TTLL11: variants seen among roughly 807,000 people sequenced by gnomAD.
TTLL11 encodes tubulin polyglutamylase TTLL11.
A neutral mutation model predicts 51.7 loss-of-function variants in TTLL11; 42 were observed. The ratio of observed to expected loss-of-function variants is 0.81; its 90% CI spans 0.64 to 1.05. The LOEUF is 1.05. TTLL11 is among the 50% of genes least tolerant of loss of function. TTLL11 has a pLI of 0.00. For missense variants in TTLL11, 799 were observed against 940.4 expected, an observed-to-expected ratio of 0.85 and a Z score of 1.97; for synonymous variants, 381 against 383.5, an observed-to-expected ratio of 0.99 and a Z score of 0.08.
rs1843037214 is a variant in TTLL11, at chr9:121,989,432, G to A, written c.1032C>T (p.Asn344=). 1 of 1,614,080 alleles carries A rather than the reference G, an allele frequency of 6.2e-7. No individual in the cohort carries two copies. The highest frequency in any genetic ancestry group is 1.3e-5 in the African/African-American group (1 of 74,928). The part of the protein sequence containing the change: ...NLHRIFMHLT[N]YSLNIHSGNF... ...TGCCGCTGTGGATGTTCAGTGAATA[G>A]TTGGTTAAGTGCATAAAGATGCGGT... Residue 344 remains asparagine, a synonymous_variant, in exon 4 of 9, where the codon AAC becomes AAT. Transcript: ENST00000321582. The surrounding 1 kb of genome is among the most constrained non-coding windows in gnomAD (Gnocchi z 4.2).
chr9:122,052,336 C>G (rs1845184077), intron 1 of TTLL11, among the ~76,000 whole-genome samples: 1 of 152,192 alleles, frequency 6.6e-6, no homozygotes, highest in South Asian at 2.1e-4. Context: ...AAAGGTTTCC[C>G]CATGCCAGCA....
At chr9:121,988,434 G>A (rs186389134) in intron 4 of TTLL11, among the ~76,000 whole-genome samples, 6 of 117,998 alleles carry the variant, frequency 5.1e-5, no homozygotes, top group South Asian at 2.8e-4. Context: ...CATCTCCCCC[G>A]CATCTCTGCC....
intron 3 of TTLL11, among the ~76,000 whole-genome samples, chr9:122,007,325 A>G (rs1354568474): frequency 6.6e-6 from 1 of 151,974 alleles, no homozygotes; most frequent in Non-Finnish European, 1.5e-5. Flanking sequence ...TGTCTCTACT[A>G]AAAATACAAA....
At chr9:121,901,623 G>A (rs151305255) in intron 6 of TTLL11, among the ~76,000 whole-genome samples, 79 of 152,026 alleles carry the variant, frequency 5.2e-4, no homozygotes, top group African/African-American at 1.8e-3. Context: ...GGCCAACACT[G>A]GTAAGTATCC....
intron 1 of TTLL11, among the ~76,000 whole-genome samples, chr9:122,042,030 AAC>A (rs950338432): frequency 2.3e-4 from 34 of 148,590 alleles, no homozygotes; most frequent in Non-Finnish European, 4.3e-4. Context: ...TTTTTTTTGA[AAC>A]AGAGTCTTCT....
In TTLL11 at chr9:122,093,275, A is replaced by G. The variant is rs758602963; in HGVS notation, c.-127T>C. The G allele has an allele frequency of 4.5e-6, 7 of 1,554,970 alleles. No individual in the cohort carries two copies. Among genetic ancestry groups the G allele is most frequent in the African/African-American group, 1.4e-5 (1 of 71,046 alleles). Reference sequence around the variant, plus strand: ...GCGTTCCCCGCCCGAGCCCGTTGCCATGATCGCTCAGGCTCGGGTTGACAG... The same window carrying G: ...GCGTTCCCCGCCCGAGCCCGTTGCCGTGATCGCTCAGGCTCGGGTTGACAG... On this transcript the variant is annotated 5_prime_UTR_variant, in exon 1 of 9. It removes an upstream start codon present in the reference 5' UTR. Transcript: ENST00000321582.
At chr9:121,897,923 CT>C (rs113818323) in intron 6 of TTLL11, among the ~76,000 whole-genome samples, 229 of 143,006 alleles carry the variant, frequency 1.6e-3, no homozygotes, top group African/African-American at 2.7e-3. Flanking sequence ...TTCTTCTATT[CT>C]TTTTTTTTTT....
chr9:121,988,362 C>G (rs935257098), intron 4 of TTLL11, among the ~76,000 whole-genome samples: 4 of 152,048 alleles, frequency 2.6e-5, no homozygotes, highest in South Asian at 4.1e-4. Flanking sequence ...GGACCACCCC[C>G]CCGAACCAAT....
intron 6 of TTLL11, among the ~76,000 whole-genome samples, chr9:121,918,469 A>C (rs1200061994): frequency 6.6e-6 from 1 of 152,176 alleles, no homozygotes; most frequent in Non-Finnish European, 1.5e-5. Flanking sequence ...ATGCTTATTT[A>C]AATGGTGTCA....
chr9:121,946,216 G>A (rs983887776), intron 6 of TTLL11, among the ~76,000 whole-genome samples: 1 of 152,216 alleles, frequency 6.6e-6, no homozygotes, highest in Admixed American at 6.5e-5. Context: ...GGGCCTGGGG[G>A]TGAGATGTGC....
At position 122,019,179 on chromosome 9, in the gene TTLL11, G is replaced by C. The variant is rs921649665; in HGVS notation, c.693+12544C>G. Among the ~76,000 whole-genome samples the C allele has an allele frequency of 3.9e-5, 6 of 152,258 alleles. No individual in the cohort carries two copies. In the South Asian group the frequency reaches 1.2e-3, roughly 32 times the overall value. ...CTTTCTCTGCCTAAGATTCCTGCCT[G>C]AGTGTCTCCATACAACCTTCAGCAT... On this transcript the variant is annotated intron_variant, in intron 3 of 8. Coordinates refer to ENST00000321582, the MANE Select transcript of TTLL11 (RefSeq NM_001139442.2).
In TTLL11 at chr9:121,989,224, T is replaced by A; in HGVS notation, c.1240A>T (p.Thr414Ser). 1.9e-6 allele frequency: 3 copies of A among 1,613,920 alleles called. No individual in the cohort carries two copies. The highest frequency in any genetic ancestry group is 2.5e-6 in the Non-Finnish European group (3 of 1,179,916). ...LKVFYQSDIP[T>S]GRPGPTCFQI... ...AAGCACGTGGGGCCCGGCCTCCCCGTGGGGATGTCTGACTGGTAGAAGACT... is the reference window on the plus strand; with the variant it reads ...AAGCACGTGGGGCCCGGCCTCCCCGAGGGGATGTCTGACTGGTAGAAGACT... Residue 414 changes from threonine to serine, a missense_variant, in exon 4 of 9, where the codon ACG becomes TCG. Physicochemically the swap from Thr to Ser is moderately conservative, Grantham distance 58 (BLOSUM62 1). This residue lies in a region of TTLL11 where 468 missense variants were observed against 612.8 expected (regional missense o/e 0.76). Transcript: ENST00000321582. The surrounding 1 kb of genome is among the most constrained non-coding windows in gnomAD (Gnocchi z 4.2).
chr9:121,975,072 A>T (rs1588168980), intron 4 of TTLL11, 93 bp from the exon 5 acceptor site: 4 of 959,472 alleles, frequency 4.2e-6, no homozygotes, highest in Non-Finnish European at 5.8e-6. Context: ...TCAGTCCCCA[A>T]CCTTGGCCTT....
At chr9:121,917,467 C>T in intron 6 of TTLL11, among the ~76,000 whole-genome samples, 1 of 58,608 alleles carries the variant, frequency 1.7e-5, no homozygotes, top group African/African-American at 8.5e-5. Flanking sequence ...GAGCAAGACA[C>T]TGTTGAAAGA....
chr9:121,850,255 G>C (rs377334403), intron 8 of TTLL11, among the ~76,000 whole-genome samples: 60 of 152,166 alleles, frequency 3.9e-4, no homozygotes, highest in Non-Finnish European at 1.5e-4. Flanking sequence ...TTTATTAGGG[G>C]AATTGGCTCA....
intron 4 of TTLL11, among the ~76,000 whole-genome samples, chr9:121,975,249 T>G (rs1842675887): frequency 6.6e-6 from 1 of 152,214 alleles, no homozygotes. Context: ...CTTTCTTCTT[T>G]AACAGGTTTT....
chr9:121,910,492 G>A (rs555177395), intron 6 of TTLL11, among the ~76,000 whole-genome samples: 14 of 152,228 alleles, frequency 9.2e-5, no homozygotes, highest in South Asian at 2.1e-4. Flanking sequence ...AGTTTCCTCC[G>A]TCAGCTGAGT....
chr9:121,943,972 A>G (rs1175161945), intron 6 of TTLL11, among the ~76,000 whole-genome samples: 1 of 152,256 alleles, frequency 6.6e-6, no homozygotes, highest in African/African-American at 2.4e-5. Flanking sequence ...CAATCCTTGT[A>G]TTATGAATAG....
chr9:122,066,494 G>C (rs943229933), intron 1 of TTLL11, among the ~76,000 whole-genome samples: 1 of 152,130 alleles, frequency 6.6e-6, no homozygotes, highest in Non-Finnish European at 1.5e-5. Flanking sequence ...GAAACCAGCA[G>C]AGCTGACTGT....
Sources: gnomAD v4.1 joint callset for allele counts (sites outside exome capture counted in the v4.1 genomes callset) on GRCh38, gnomAD v4.1.1 for gene constraint, gnomAD v4.1.1 regional missense constraint, Gnocchi (gnomAD v3.1) non-coding constraint, MANE v1.5 for transcripts, NCBI Gene and HGNC (gene_info 2026-07-23, HGNC 2026-07-21) for gene names.